The following MEP1A variants were observed in gnomAD, a reference collection of about 807,000 sequenced individuals.
The protein encoded by MEP1A is N-benzoyl-L-tyrosyl-P-amino-benzoic acid hydrolase subunit alpha.
In MEP1A, 68 loss-of-function variants were observed where a neutral mutation model predicts 84.5. That is an observed-to-expected ratio of 0.80 (90% CI 0.66 to 0.98). The LOEUF is 0.98. Ranked by LOEUF, MEP1A falls within the 50% of genes least tolerant of loss-of-function variation. The pLI is 0.00. For missense variants in MEP1A, 887 were observed against 919.9 expected, an observed-to-expected ratio of 0.96 and a Z score of 0.46; for synonymous variants, 337 against 336.8, an observed-to-expected ratio of 1.00 and a Z score of -0.01.
At chr6:46,812,833 T>C (rs1293188982) in intron 6 of MEP1A, among the ~76,000 whole-genome samples, 2 of 152,108 alleles carry the variant, frequency 1.3e-5, no homozygotes, top group East Asian at 1.9e-4. Flanking sequence ...GAGAGTGTAC[T>C]TGATATAATT....
At chr6:46,831,839 C>G (rs1768083562) in intron 10 of MEP1A, among the ~76,000 whole-genome samples, 1 of 152,190 alleles carries the variant, frequency 6.6e-6, no homozygotes, top group Non-Finnish European at 1.5e-5. Context: ...CTGCCATGCT[C>G]TCCGCAGGAG....
rs749856525 is a variant in MEP1A at position 46,798,585 on chromosome 6, TA to T, written c.146-13del. ...AATGTTCACTCAAATATTCTTTTTT[TA>T]AAAAAAATTCCACTTCCAGCTGCAG... On this transcript the variant is annotated intron_variant, in intron 3 of 13. Coordinates refer to ENST00000230588, the MANE Select transcript of MEP1A (RefSeq NM_005588.3). The T allele has an allele frequency of 1.5e-5, 24 of 1,604,828 alleles. 1 individual carries two copies. The East Asian group carries it at 3.1e-4, about 21-fold the overall frequency.
chr6:46,803,245 G>A (rs1391597240), intron 5 of MEP1A, among the ~76,000 whole-genome samples: 2 of 151,412 alleles, frequency 1.3e-5, no homozygotes, highest in South Asian at 2.1e-4. Context: ...AATAATTATA[G>A]AATTATTCTT....
chr6:46,830,387 T>C (rs928779084), intron 10 of MEP1A, among the ~76,000 whole-genome samples: 30 of 152,190 alleles, frequency 2.0e-4, no homozygotes, highest in Non-Finnish European at 3.4e-4. Context: ...AAATAAGTCA[T>C]TGGTATATGT....
chr6:46,826,552 A>G (rs779332506), intron 9 of MEP1A, 49 bp downstream of exon 9: 11 of 1,384,318 alleles, frequency 7.9e-6, no homozygotes, highest in South Asian at 2.1e-5. Context: ...ACCAGGTTCA[A>G]TTAGGTTATG....
At chr6:46,793,768 G>T in intron 3 of MEP1A, 52 bp downstream of exon 3, 1 of 1,310,314 alleles carries the variant, frequency 7.6e-7, no homozygotes, top group East Asian at 2.3e-5. Context: ...GAAACCCAGT[G>T]GTGGGATTAC....
chr6:46,803,205 T>C (rs1767233412), intron 5 of MEP1A, among the ~76,000 whole-genome samples: 1 of 151,642 alleles, frequency 6.6e-6, no homozygotes, highest in Non-Finnish European at 1.5e-5. Flanking sequence ...CTTTGTGGGA[T>C]AGTATTTTTA....
chr6:46,835,186 TG>T lies in MEP1A; in HGVS notation c.1784-60del, dbSNP rs982914501. 1.2e-5 allele frequency: 17 copies of T among 1,403,916 alleles called. No individual in the cohort carries two copies. In the African/African-American group the frequency reaches 2.3e-4, roughly 19 times the overall value. 87.0% of individuals were successfully genotyped at this position (1,403,916 alleles called of 1,614,324 possible). ...CAGGCTGGGGAACTTTCACCAGAAG[TG>T]GGAGTTAATTGTAGTCAGTTACTAA... On this transcript the variant is annotated intron_variant, in intron 12 of 13. Coordinates refer to ENST00000230588, the MANE Select transcript of MEP1A (RefSeq NM_005588.3).
At chr6:46,818,441 AT>A (rs1419537018) in intron 6 of MEP1A, among the ~76,000 whole-genome samples, 1 of 152,188 alleles carries the variant, frequency 6.6e-6, no homozygotes, top group Non-Finnish European at 1.5e-5. Context: ...TCTGCTCAGC[AT>A]TGGGTAAAAT....
chr6:46,819,482 A>G (rs368859066), intron 6 of MEP1A, 47 bp from the exon 7 acceptor site: 1 of 1,501,152 alleles, frequency 6.7e-7, no homozygotes, highest in East Asian at 2.3e-5. Context: ...AATGACAGCC[A>G]CTTAAAAATT....
At chr6:46,796,077 C>A (rs1397823443) in intron 3 of MEP1A, among the ~76,000 whole-genome samples, 1 of 152,232 alleles carries the variant, frequency 6.6e-6, no homozygotes, top group East Asian at 1.9e-4. Context: ...CACAGCTACT[C>A]CTCTAAGGAA....
intron 7 of MEP1A, among the ~76,000 whole-genome samples, chr6:46,824,586 A>T (rs1182164498): frequency 7.2e-6 from 1 of 138,736 alleles, no homozygotes; most frequent in Non-Finnish European, 1.5e-5. Context: ...AAATATATAA[A>T]TTATATATAT....
intron 6 of MEP1A, among the ~76,000 whole-genome samples, chr6:46,815,843 G>A (rs1249359500): frequency 6.6e-6 from 1 of 152,156 alleles, no homozygotes; most frequent in Non-Finnish European, 1.5e-5. Context: ...AAAAATAGCA[G>A]TTAAATAAAA....
Position 46,833,354 on chromosome 6 carries a change from C to G in MEP1A, c.1425C>G (p.Ser475Arg), listed in dbSNP as rs549923188. Residue 475 changes from serine to arginine, a missense_variant, in exon 11 of 14, where the codon AGC (serine) becomes AGG (arginine). Ser to Arg is a moderately radical substitution (Grantham distance 110). Transcript: ENST00000230588. ...TTGGGGTAACTTTATACCCAAATAG[C>G]AGAGAAAGCTCTGGTTACTTGAGAC... ...YGFGVTLYPNSRESSGYLRLA... is the reference protein window; with the variant it reads ...YGFGVTLYPNRRESSGYLRLA... 6 of 1,614,090 alleles carry G rather than the reference C, an allele frequency of 3.7e-6. No homozygotes were observed. The East Asian group carries it at 1.3e-4, about 36-fold the overall frequency.
chr6:46,816,342 G>A (rs542767255), intron 6 of MEP1A, among the ~76,000 whole-genome samples: 28 of 152,216 alleles, frequency 1.8e-4, no homozygotes, highest in African/African-American at 6.5e-4. Flanking sequence ...TATGCAATAC[G>A]GTCTTAGCCC....
At chr6:46,798,551 C>T in intron 3 of MEP1A, 55 bp from the exon 4 acceptor site, 2 of 1,320,206 alleles carry the variant, frequency 1.5e-6, no homozygotes, top group Non-Finnish European at 2.2e-6. Context: ...ACGAAAGATG[C>T]CTTTTAATAA....
rs759167108 is a variant in MEP1A at position 46,825,447 on chromosome 6, T to C, written c.732T>C (p.Asp244=). ...ACTCCATTATCGGACAGCGCCTGGATTTCAGTGCCATTGATTTAGAGAGGC... is the reference window on the plus strand; with the variant it reads ...ACTCCATTATCGGACAGCGCCTGGACTTCAGTGCCATTGATTTAGAGAGGC... ...EFNSIIGQRL[D]FSAIDLERLN... The change falls in exon 8 of 14, where the codon GAT becomes GAC. Residue 244 remains aspartate (D), a synonymous_variant. Transcript: ENST00000230588. 6.2e-7 allele frequency: 1 copy of C among 1,613,860 alleles called. No individual in the cohort carries two copies. The highest frequency in any genetic ancestry group is 1.1e-5 in the South Asian group (1 of 91,056).
At position 46,839,042 on chromosome 6, in the gene MEP1A, G is replaced by A. The variant is rs761133593; in HGVS notation, c.2147G>A (p.Gly716Asp). The change falls in exon 14 of 14, where the codon GGC becomes GAC. Residue 716 changes from glycine to aspartate, a missense_variant. Transcript: ENST00000230588. ...CGCTGTCAGGCCGTGCAGGTGCACGGCAGTGTCCTGGGCATGGTGATCGGA... is the reference window on the plus strand; with the variant it reads ...CGCTGTCAGGCCGTGCAGGTGCACGACAGTGTCCTGGGCATGGTGATCGGA... ...GERCQAVQVH[G>D]SVLGMVIGGT... 5.0e-6 allele frequency: 8 copies of A among 1,613,696 alleles called. No homozygotes were observed. In the East Asian group the frequency reaches 1.3e-4, roughly 27 times the overall value.
chr6:46,806,104 T>C (rs1413350308), intron 5 of MEP1A, among the ~76,000 whole-genome samples: 1 of 152,048 alleles, frequency 6.6e-6, no homozygotes, highest in Non-Finnish European at 1.5e-5. Flanking sequence ...TGTATGTTCA[T>C]CTTTATTCCA....
Sources: gnomAD v4.1 joint callset for allele counts (sites outside exome capture counted in the v4.1 genomes callset) on GRCh38, gnomAD v4.1.1 for gene constraint, MANE v1.5 for transcripts, NCBI Gene and HGNC (gene_info 2026-07-23, HGNC 2026-07-21) for gene names.